The following MEI4 variants were observed in gnomAD, a reference collection of about 807,000 sequenced individuals.
MEI4 encodes the protein meiotic double-stranded break formation protein 4, also known as meiosis-specific protein MEI4.
In MEI4, 27 loss-of-function variants were observed where a neutral mutation model predicts 31.4. That is an observed-to-expected ratio of 0.86 (90% CI 0.63 to 1.19). The LOEUF (loss-of-function observed/expected upper bound fraction) is 1.19. Ranked by LOEUF, MEI4 falls within the 50% of genes most tolerant of loss-of-function variation. MEI4 has a pLI of 0.00. For missense variants in MEI4, 329 were observed against 398.9 expected (o/e 0.82, Z 1.49); for synonymous variants, 122 against 145.4 (o/e 0.84, Z 1.16).
chr6:77,817,197 T>G, intron 3 of MEI4, among the ~76,000 whole-genome samples: 1 of 152,170 alleles, frequency 6.6e-6, no homozygotes, highest in East Asian at 1.9e-4. Context: ...TTTTTTCTAC[T>G]TTATAGGTTA....
At chr6:77,783,926 T>A (rs952101149) in intron 3 of MEI4, among the ~76,000 whole-genome samples, 1 of 145,076 alleles carries the variant, frequency 6.9e-6, no homozygotes, top group African/African-American at 2.7e-5. Context: ...AGAATAATAC[T>A]GAATATATAG....
intron 3 of MEI4, among the ~76,000 whole-genome samples, chr6:77,773,480 T>A (rs2127687341): frequency 6.6e-6 from 1 of 152,108 alleles, no homozygotes; most frequent in East Asian, 1.9e-4. Context: ...TGGATATCTA[T>A]ATGTAAAGGA....
chr6:77,743,998 A>G (rs1040099571), intron 2 of MEI4, among the ~76,000 whole-genome samples: 3 of 152,202 alleles, frequency 2.0e-5, no homozygotes, highest in Admixed American at 1.3e-4. Context: ...CCAAAAGTAG[A>G]TAAAACCACA....
At chr6:77,773,773 A>G (rs1768373169) in intron 3 of MEI4, among the ~76,000 whole-genome samples, 1 of 152,078 alleles carries the variant, frequency 6.6e-6, no homozygotes, top group Non-Finnish European at 1.5e-5. Flanking sequence ...TCATTTGACA[A>G]GGGACTAATA....
chr6:77,862,792 G>A (rs570536414), intron 4 of MEI4, among the ~76,000 whole-genome samples: 6 of 152,198 alleles, frequency 3.9e-5, no homozygotes, highest in Non-Finnish European at 5.9e-5. Flanking sequence ...GTGGGTCCCT[G>A]ACCCCCAAGT....
intron 4 of MEI4, among the ~76,000 whole-genome samples, chr6:77,845,004 A>G (rs987614814): frequency 6.6e-6 from 1 of 152,076 alleles, no homozygotes; most frequent in African/African-American, 2.4e-5. Context: ...TCTCCCATTC[A>G]CTGGGAACCA....
chr6:77,839,403 G>C (rs939802157), intron 4 of MEI4, among the ~76,000 whole-genome samples: 2 of 152,106 alleles, frequency 1.3e-5, no homozygotes, highest in African/African-American at 4.8e-5. Context: ...CCAGCCCTTT[G>C]CTATCTCTGG....
At chr6:77,735,678 G>C (rs1328975878) in intron 2 of MEI4, among the ~76,000 whole-genome samples, 1 of 152,066 alleles carries the variant, frequency 6.6e-6, no homozygotes, top group African/African-American at 2.4e-5. Flanking sequence ...TGCTGGTGAG[G>C]AGCTGCGTTC....
At chr6:77,733,010 G>T (rs994010088) in intron 2 of MEI4, among the ~76,000 whole-genome samples, 2 of 151,706 alleles carry the variant, frequency 1.3e-5, no homozygotes, top group Non-Finnish European at 2.9e-5. Context: ...TTTTTGATGT[G>T]CTGCTGGATT....
chr6:77,778,622 C>T (rs1017622576), intron 3 of MEI4, among the ~76,000 whole-genome samples: 3 of 151,834 alleles, frequency 2.0e-5, no homozygotes, highest in Non-Finnish European at 4.4e-5. Context: ...GAATCCTTGA[C>T]CCAAGAGGTC....
At chr6:77,695,215 C>T (rs539262321) in intron 2 of MEI4, among the ~76,000 whole-genome samples, 144 of 152,000 alleles carry the variant, frequency 9.5e-4, no homozygotes, top group African/African-American at 2.2e-3. Flanking sequence ...TTGTAGGTTG[C>T]CTGTTCACTC....
At chr6:77,829,278 C>T (rs182232515) in intron 4 of MEI4, among the ~76,000 whole-genome samples, 1 of 152,098 alleles carries the variant, frequency 6.6e-6, no homozygotes, top group Admixed American at 6.6e-5. Context: ...TGCTTACTTG[C>T]ATATATGTGC....
chr6:77,765,158 C>T (rs1768138691), intron 3 of MEI4, among the ~76,000 whole-genome samples: 1 of 152,034 alleles, frequency 6.6e-6, no homozygotes, highest in South Asian at 2.1e-4. Flanking sequence ...TAAATGTGAC[C>T]ACTTCATCGG....
At chr6:77,833,079 T>G (rs1011277444) in intron 4 of MEI4, among the ~76,000 whole-genome samples, 2 of 152,140 alleles carry the variant, frequency 1.3e-5, no homozygotes, top group Non-Finnish European at 2.9e-5. Flanking sequence ...ACATGTATTT[T>G]GGATTTCCCC....
At position 77,895,548 on chromosome 6, in the gene MEI4, T is replaced by G. The variant is rs1009391600; in HGVS notation, c.901-27541T>G. On this transcript the variant is annotated intron_variant, in intron 4 of 4. Coordinates refer to ENST00000684080, the MANE Select transcript of MEI4 (RefSeq NM_001322247.2). ...ATCATTCATGGTTCAGCTCATTTCCTGCCCTTCAGCATCTTCTCCCACCCT... is the reference window on the plus strand; with the variant it reads ...ATCATTCATGGTTCAGCTCATTTCCGGCCCTTCAGCATCTTCTCCCACCCT... 2.7e-4 allele frequency among the ~76,000 whole-genome samples: 41 copies of G among 152,200 alleles called. 2 individuals carry two copies. Among genetic ancestry groups the G allele is most frequent in the Non-Finnish European group, 1.9e-4 (13 of 68,020 alleles).
intron 1 of MEI4, among the ~76,000 whole-genome samples, chr6:77,676,383 C>T (rs1253394493): frequency 6.6e-6 from 1 of 151,622 alleles, no homozygotes; most frequent in Admixed American, 6.6e-5. Flanking sequence ...AAAAATTAAC[C>T]AGGTATGGTG....
chr6:77,830,774 T>C (rs1403208504), intron 4 of MEI4, among the ~76,000 whole-genome samples: 1 of 152,062 alleles, frequency 6.6e-6, no homozygotes, highest in Non-Finnish European at 1.5e-5. Flanking sequence ...AAGTCTTAAA[T>C]GTAAGATCTG....
chr6:77,767,506 G>A (rs1768204871), intron 3 of MEI4, among the ~76,000 whole-genome samples: 1 of 152,172 alleles, frequency 6.6e-6, no homozygotes, highest in African/African-American at 2.4e-5. Flanking sequence ...ACCATCCTTG[G>A]CAACATGGTG....
At chr6:77,792,553 G>A (rs1768965814) in intron 3 of MEI4, among the ~76,000 whole-genome samples, 2 of 152,198 alleles carry the variant, frequency 1.3e-5, no homozygotes, top group South Asian at 4.1e-4. Context: ...ATATTGCTCG[G>A]ACTATTGCTA....
Sources: allele counts gnomAD v4.1 joint callset (sites outside exome capture counted in the v4.1 genomes callset), GRCh38; gene constraint gnomAD v4.1.1; transcripts MANE v1.5; gene names NCBI Gene and HGNC (gene_info 2026-07-23, HGNC 2026-07-21).